The following SFMBT1 variants were observed in gnomAD, a reference collection of about 807,000 sequenced individuals.
The protein encoded by SFMBT1 is scm-like with four MBT domains protein 1.
SFMBT1 carries 32 observed loss-of-function variants against 108.7 expected under a neutral mutation model. The ratio of observed to expected loss-of-function variants is 0.29; its 90% CI spans 0.22 to 0.40. The LOEUF is 0.40. Ranked by LOEUF, SFMBT1 falls within the 10% of genes least tolerant of loss-of-function variation. The probability of loss-of-function intolerance (pLI) is 1.00; values close to 1 mark genes in which losing one functional copy is unlikely to be tolerated. For synonymous variants in SFMBT1, 348 were observed against 369.5 expected (o/e 0.94, Z 0.67); for missense variants, 816 against 1,059.6 (o/e 0.77, Z 3.19).
intron 1 of SFMBT1, among the ~76,000 whole-genome samples, chr3:53,030,467 G>A (rs6798669): frequency 0.031 from 4,691 of 151,968 alleles, 271 homozygotes; most frequent in African/African-American, 0.11. Flanking sequence ...TTTTAAAGGC[G>A]TACTTAAGTC....
intron 2 of SFMBT1, among the ~76,000 whole-genome samples, chr3:52,965,211 A>G (rs976827333): frequency 6.6e-6 from 1 of 152,000 alleles, no homozygotes; most frequent in African/African-American, 2.4e-5. Flanking sequence ...ATTAATTAAA[A>G]AAAAACCCTC....
chr3:52,951,438 T>C (rs9809906), intron 3 of SFMBT1, among the ~76,000 whole-genome samples: 146,385 of 149,962 alleles, frequency 0.98, 71,553 homozygotes, highest in Middle Eastern at 1. Context: ...TTTTTTGAGA[T>C]GGCATTTTGC....
chr3:53,034,647 T>C (rs1699806650), intron 1 of SFMBT1, among the ~76,000 whole-genome samples: 1 of 151,534 alleles, frequency 6.6e-6, no homozygotes, highest in Non-Finnish European at 1.5e-5. Context: ...ATTAAAAGAA[T>C]AATTGTGGGC....
chr3:52,930,216 C>G, intron 8 of SFMBT1, 113 bp downstream of exon 8: 2 of 688,060 alleles, frequency 2.9e-6, no homozygotes, highest in Middle Eastern at 2.5e-4. Context: ...AGCTGCACGG[C>G]CTAGAAGGAA....
intron 1 of SFMBT1, among the ~76,000 whole-genome samples, chr3:53,037,115 A>G (rs1366382392): frequency 6.6e-6 from 1 of 152,258 alleles, no homozygotes; most frequent in Non-Finnish European, 1.5e-5. Flanking sequence ...AAACAGGAGT[A>G]AAAGTCAATG....
In SFMBT1 at chr3:53,040,968, A is replaced by ATTTTT. The variant is rs57640588; in HGVS notation, c.-131+4843_-131+4847dup. On this transcript the variant is annotated intron_variant, in intron 1 of 20. Coordinates refer to ENST00000394752, the MANE Select transcript of SFMBT1 (RefSeq NM_016329.4). ...TACAGGCATGCACCAAGACACCTGA[A>ATTTTT]TTTTTTTTTTTTTTTTTTTTTTTTT... 3.3e-3 allele frequency among the ~76,000 whole-genome samples: 152 copies of ATTTTT among 46,394 alleles called. 7 individuals carry two copies. The highest frequency in any genetic ancestry group is 4.6e-3 in the Non-Finnish European group (115 of 25,178). 30.4% of individuals were successfully genotyped at this position (46,394 alleles called of 152,430 possible). A position where few individuals can be genotyped will look rare whatever the true frequency, so the allele number is the denominator to read the frequency against.
At chr3:52,949,341 C>T (rs534565204) in intron 3 of SFMBT1, among the ~76,000 whole-genome samples, 1 of 152,228 alleles carries the variant, frequency 6.6e-6, no homozygotes, top group South Asian at 2.1e-4. Flanking sequence ...GATGGTATTG[C>T]AGAGCTCAAC....
chr3:53,014,481 CAAA>C (rs1699061695), intron 1 of SFMBT1, among the ~76,000 whole-genome samples: 1 of 1,560 alleles, frequency 6.4e-4, no homozygotes. Context: ...TTAAAAAAAA[CAAA>C]ACAAAACAAA....
At chr3:52,996,813 T>C (rs928438567) in intron 1 of SFMBT1, among the ~76,000 whole-genome samples, 1 of 150,376 alleles carries the variant, frequency 6.6e-6, no homozygotes, top group Non-Finnish European at 1.5e-5. Flanking sequence ...CTCACGCCTG[T>C]AATCCCAGCA....
chr3:52,980,317 G>C (rs929449141), intron 1 of SFMBT1, among the ~76,000 whole-genome samples: 2 of 151,592 alleles, frequency 1.3e-5, no homozygotes, highest in Non-Finnish European at 2.9e-5. Flanking sequence ...TTGAGCTCAA[G>C]TGTTGCGACT....
chr3:52,965,867 G>A (rs1345964406), intron 2 of SFMBT1, among the ~76,000 whole-genome samples: 1 of 150,738 alleles, frequency 6.6e-6, no homozygotes, highest in East Asian at 2.0e-4. Flanking sequence ...TTAGCCGGGC[G>A]TGGTAGCAGG....
intron 1 of SFMBT1, among the ~76,000 whole-genome samples, chr3:53,022,131 C>A (rs887115588): frequency 6.6e-6 from 1 of 152,148 alleles, no homozygotes; most frequent in Non-Finnish European, 1.5e-5. Context: ...GCTACTCTAG[C>A]AGGTGTTTGT....
At chr3:52,958,969 C>G (rs763169387) in intron 2 of SFMBT1, among the ~76,000 whole-genome samples, 1 of 152,154 alleles carries the variant, frequency 6.6e-6, no homozygotes, top group African/African-American at 2.4e-5. Context: ...AGATAATGTC[C>G]TTTGCAGGGA....
intron 1 of SFMBT1, among the ~76,000 whole-genome samples, chr3:53,007,531 G>T (rs963084760): frequency 6.6e-6 from 1 of 152,170 alleles, no homozygotes; most frequent in African/African-American, 2.4e-5. Context: ...ACAAGAAAAT[G>T]CTCCAAGAAT....
chr3:52,992,631 T>C (rs1705180368), intron 1 of SFMBT1, among the ~76,000 whole-genome samples: 1 of 152,214 alleles, frequency 6.6e-6, no homozygotes, highest in Non-Finnish European at 1.5e-5. Flanking sequence ...TACTCCTTCC[T>C]CAGTATGTTT....
At chr3:53,016,469 C>G (rs759675269) in intron 1 of SFMBT1, among the ~76,000 whole-genome samples, 4 of 152,220 alleles carry the variant, frequency 2.6e-5, no homozygotes, top group Non-Finnish European at 5.9e-5. Flanking sequence ...TCCAGTGGCT[C>G]TACGTACTCA....
At chr3:52,932,427 G>T in intron 5 of SFMBT1, 119 bp from the exon 6 acceptor site, 1 of 946,536 alleles carries the variant, frequency 1.1e-6, no homozygotes, top group Non-Finnish European at 1.5e-6. Context: ...AAAAGCCAGT[G>T]ACACTAAATT....
chr3:52,945,610 A>G (rs1255274599), intron 3 of SFMBT1, among the ~76,000 whole-genome samples: 2 of 151,428 alleles, frequency 1.3e-5, no homozygotes, highest in Non-Finnish European at 2.9e-5. Context: ...GATCGAGACC[A>G]TCCTGGCTAA....
intron 1 of SFMBT1, among the ~76,000 whole-genome samples, chr3:53,032,607 A>G (rs1365987767): frequency 5.3e-5 from 8 of 152,186 alleles, no homozygotes; most frequent in Non-Finnish European, 1.0e-4. Context: ...AACATAATAC[A>G]TTTTCAAATA....
Sources: allele counts gnomAD v4.1 joint callset (sites outside exome capture counted in the v4.1 genomes callset), GRCh38; gene constraint gnomAD v4.1.1; transcripts MANE v1.5; gene names NCBI Gene and HGNC (gene_info 2026-07-23, HGNC 2026-07-21).